FRY: variants seen among roughly 807,000 people sequenced by gnomAD.
FRY encodes the protein FRY microtubule binding protein.
FRY carries 128 observed loss-of-function variants against 348.4 expected under a neutral mutation model. That is an observed-to-expected ratio of 0.37 (90% CI 0.32 to 0.43). FRY has a LOEUF of 0.43. Among genes scored for constraint, FRY ranks in the 20% least tolerant of loss-of-function variants. The pLI, the probability that FRY is intolerant of heterozygous loss-of-function variation, is 1.00. For synonymous variants in FRY, 1,370 were observed against 1,374.7 expected, an observed-to-expected ratio of 1.00 and a Z score of 0.08; for missense variants, 2,736 against 3,695.2, an observed-to-expected ratio of 0.74 and a Z score of 6.73.
At chr13:32,265,743 A>G (rs761890035) in intron 54 of FRY, 127 bp downstream of exon 54, 20 of 924,942 alleles carry the variant, frequency 2.2e-5, no homozygotes, top group Middle Eastern at 6.2e-4. Context: ...AAAGTGACAT[A>G]TATCATGGCA....
intron 14 of FRY, 80 bp downstream of exon 14, chr13:32,149,914 G>A: frequency 1.2e-6 from 1 of 822,628 alleles, no homozygotes; most frequent in Non-Finnish European, 2.1e-6. Flanking sequence ...TTGGAGAATG[G>A]GATGAGGGAT....
chr13:32,230,284 C>A (rs761270142), intron 40 of FRY, among the ~76,000 whole-genome samples: 12 of 152,170 alleles, frequency 7.9e-5, no homozygotes, highest in Admixed American at 3.3e-4. Context: ...TGTGTTCTCA[C>A]AATTCAGCTC....
Position 32,239,927 on chromosome 13 carries a change from GC to G in FRY, c.6687+49del. 1 of 1,540,956 alleles carries G rather than the reference GC, an allele frequency of 6.5e-7. No homozygotes were observed. The highest frequency in any genetic ancestry group is 8.9e-7 in the Non-Finnish European group (1 of 1,123,586). Reference sequence around the variant, plus strand: ...TTTTGAGACAGGGTCTCATTATGTTGCCCAGGCTGATCTCAACTCTTGGGCT... The same window carrying G: ...TTTTGAGACAGGGTCTCATTATGTTGCCAGGCTGATCTCAACTCTTGGGCT... On this transcript the variant is annotated intron_variant, in intron 46 of 60. Coordinates refer to ENST00000542859, the MANE Select transcript of FRY (RefSeq NM_023037.3). The surrounding 1 kb of genome is among the most constrained non-coding windows in gnomAD (Gnocchi z 4.3).
At chr13:32,180,717 C>T (rs1235343435) in intron 23 of FRY, among the ~76,000 whole-genome samples, 6 of 152,090 alleles carry the variant, frequency 3.9e-5, no homozygotes, top group African/African-American at 1.2e-4. Flanking sequence ...AGATAAGCAA[C>T]AAAACCCTAT....
intron 16 of FRY, among the ~76,000 whole-genome samples, chr13:32,159,046 A>G (rs1881292109): frequency 6.6e-6 from 1 of 151,706 alleles, no homozygotes; most frequent in Non-Finnish European, 1.5e-5. Context: ...AAAACATTAT[A>G]TTCAAAATCA....
chr13:32,180,621 T>A (rs1447037955), intron 23 of FRY, among the ~76,000 whole-genome samples: 2 of 152,162 alleles, frequency 1.3e-5, no homozygotes, highest in African/African-American at 4.8e-5. Context: ...ACATTTGCAA[T>A]CAAATAATCA....
chr13:32,196,498 T>C (rs1361100778), intron 29 of FRY, among the ~76,000 whole-genome samples: 1 of 152,210 alleles, frequency 6.6e-6, no homozygotes, highest in East Asian at 1.9e-4. Flanking sequence ...GTTCATTAGC[T>C]GTGGCAATGG....
intron 1 of FRY, among the ~76,000 whole-genome samples, chr13:32,034,351 A>G (rs557737799): frequency 6.6e-6 from 1 of 152,300 alleles, no homozygotes; most frequent in East Asian, 1.9e-4. Flanking sequence ...AGGCCAATAA[A>G]TAGATCAGTC....
chr13:32,086,268 T>G (rs1875854733), intron 2 of FRY, among the ~76,000 whole-genome samples: 1 of 152,212 alleles, frequency 6.6e-6, no homozygotes, highest in Non-Finnish European at 1.5e-5. Context: ...TCCCTATAAC[T>G]TGACCAATAC....
At chr13:32,086,598 T>G (rs1875878479) in intron 2 of FRY, among the ~76,000 whole-genome samples, 1 of 152,142 alleles carries the variant, frequency 6.6e-6, no homozygotes, top group Non-Finnish European at 1.5e-5. Context: ...TCCATCTGGA[T>G]CTAGTCTATC....
At chr13:32,160,130 T>C (rs1881358156) in intron 16 of FRY, among the ~76,000 whole-genome samples, 1 of 152,238 alleles carries the variant, frequency 6.6e-6, no homozygotes, top group Non-Finnish European at 1.5e-5. Context: ...TGCTGCTTGA[T>C]TATGATCTTT....
intron 55 of FRY, 74 bp from the exon 56 acceptor site, chr13:32,274,768 C>A (rs1160676580): frequency 9.4e-7 from 1 of 1,067,532 alleles, no homozygotes. Context: ...AGAAGCTACC[C>A]CTCCCCCAAA....
intron 44 of FRY, 120 bp downstream of exon 44, chr13:32,238,106 G>T: frequency 9.3e-7 from 1 of 1,077,064 alleles, no homozygotes. Flanking sequence ...GGTTCCTTGG[G>T]AGTAGTTTAT....
intron 50 of FRY, among the ~76,000 whole-genome samples, chr13:32,252,227 A>G (rs1384654541): frequency 1.3e-5 from 2 of 151,812 alleles, no homozygotes; most frequent in African/African-American, 4.8e-5. Flanking sequence ...TTTTTTTTAT[A>G]AATATGCCCA....
intron 58 of FRY, among the ~76,000 whole-genome samples, chr13:32,283,423 C>G (rs1173742766): frequency 6.6e-6 from 1 of 152,136 alleles, no homozygotes; most frequent in Non-Finnish European, 1.5e-5. Flanking sequence ...TTCTCTGTAC[C>G]TAAGTCCTCA....
intron 51 of FRY, among the ~76,000 whole-genome samples, chr13:32,255,803 C>T (rs1887298591): frequency 1.3e-5 from 2 of 152,156 alleles, no homozygotes; most frequent in Non-Finnish European, 2.9e-5. Flanking sequence ...AGACAGAGCT[C>T]AGAGTTCAGC....
chr13:32,113,086 T>G (rs1878072536), intron 3 of FRY, among the ~76,000 whole-genome samples: 1 of 152,230 alleles, frequency 6.6e-6, no homozygotes, highest in African/African-American at 2.4e-5. Flanking sequence ...ATCTTTGTCG[T>G]TACTCATCAA....
In FRY at chr13:32,247,451, T is replaced by C; in HGVS notation, c.6957T>C (p.Ala2319=). The part of the protein sequence containing the change: ...KIEIHRVWTS[A]SKELPGKTLD... ...AAATACATCGAGTGTGGACTAGTGC[T>C]TCCAAGGAATTACCTGGGAAAACCC... is the stretch of plus-strand genomic sequence containing the variant. The change falls in exon 48 of 61, where the codon GCT becomes GCC. Residue 2319 remains alanine (A), a synonymous_variant. Transcript: ENST00000542859. 1.2e-6 allele frequency: 2 copies of C among 1,613,694 alleles called. No individual in the cohort carries two copies. The highest frequency in any genetic ancestry group is 2.7e-5 in the African/African-American group (2 of 75,058).
chr13:32,248,460 A>G (rs1886909762), intron 48 of FRY, among the ~76,000 whole-genome samples: 1 of 152,020 alleles, frequency 6.6e-6, no homozygotes, highest in South Asian at 2.1e-4. Flanking sequence ...GCAGCAGACC[A>G]CCATGGCACA....
Sources: gnomAD v4.1 joint callset for allele counts (sites outside exome capture counted in the v4.1 genomes callset) on GRCh38, gnomAD v4.1.1 for gene constraint, Gnocchi (gnomAD v3.1) non-coding constraint, MANE v1.5 for transcripts, NCBI Gene and HGNC (gene_info 2026-07-23, HGNC 2026-07-21) for gene names.